The following TTLL7 variants were observed in gnomAD, a reference collection of about 807,000 sequenced individuals.
TTLL7 encodes tubulin tyrosine ligase like 7.
Under a neutral mutation model 120.2 loss-of-function variants are expected in TTLL7, and 53 were observed. The observed-to-expected ratio is 0.44, with a 90% CI of 0.35 to 0.55. The LOEUF (loss-of-function observed/expected upper bound fraction) is 0.55. Ranked by LOEUF, TTLL7 falls within the 20% of genes least tolerant of loss-of-function variation. The probability of loss-of-function intolerance (pLI) is 0.00; values close to 1 mark genes in which losing one functional copy is unlikely to be tolerated. For missense variants in TTLL7, 803 were observed against 1,054.7 expected, an observed-to-expected ratio of 0.76 and a Z score of 3.31; for synonymous variants, 353 against 351.7, an observed-to-expected ratio of 1.00 and a Z score of -0.04.
At chr1:83,954,055 A>G (rs1371858818) in intron 1 of TTLL7, among the ~76,000 whole-genome samples, 1 of 152,224 alleles carries the variant, frequency 6.6e-6, no homozygotes. Flanking sequence ...AACCTCAGGG[A>G]AGTAACTATT....
Position 83,917,626 on chromosome 1 carries a change from G to A in TTLL7, c.1565C>T (p.Thr522Ile), listed in dbSNP as rs771851636. 3.1e-5 allele frequency: 50 copies of A among 1,612,928 alleles called. No homozygotes were observed. In the Admixed American group the frequency reaches 8.3e-4, roughly 27 times the overall value. Residue 522 changes from threonine (T) to isoleucine (I), a missense_variant, in exon 14 of 21, where the codon ACT (threonine) becomes ATT (isoleucine). Thr to Ile is a moderately conservative substitution (Grantham distance 89). Coordinates refer to ENST00000260505, the MANE Select transcript of TTLL7 (RefSeq NM_024686.6). ...CACCTTTGGTCCTCGAGTCTTGGTA[G>A]TTTTTCCCATCAACTTTTCATCATC... ...EIDDEKLMGK[T>I]TKTRGPKPLC...
intron 20 of TTLL7, among the ~76,000 whole-genome samples, chr1:83,873,571 G>C (rs1024746946): frequency 1.3e-5 from 2 of 152,100 alleles, no homozygotes; most frequent in Non-Finnish European, 2.9e-5. Flanking sequence ...CTCGTGCCAA[G>C]GAGAAATACC....
intron 1 of TTLL7, among the ~76,000 whole-genome samples, chr1:83,969,425 C>T (rs865963416): frequency 4.8e-4 from 73 of 152,020 alleles, no homozygotes; most frequent in African/African-American, 1.7e-3. Context: ...AACTCACTGA[C>T]TTTAATATTA....
At chr1:83,929,025 T>G in intron 10 of TTLL7, 111 bp downstream of exon 10, 1 of 454,270 alleles carries the variant, frequency 2.2e-6, no homozygotes, top group East Asian at 3.7e-5. Context: ...AAATGAAAAT[T>G]ATAAAATATA....
intron 18 of TTLL7, among the ~76,000 whole-genome samples, chr1:83,895,229 A>G (rs762213092): frequency 4.6e-5 from 7 of 152,068 alleles, no homozygotes; most frequent in Non-Finnish European, 7.4e-5. Flanking sequence ...TCTTGATAAT[A>G]AAGTTACCAG....
At chr1:83,972,403 C>G (rs779711484) in intron 1 of TTLL7, among the ~76,000 whole-genome samples, 53 of 152,028 alleles carry the variant, frequency 3.5e-4, no homozygotes, top group Non-Finnish European at 6.2e-4. Context: ...CAGTAATATG[C>G]ATTTAAGGTT....
chr1:83,928,186 A>C (rs996707008), intron 10 of TTLL7, among the ~76,000 whole-genome samples: 12 of 152,192 alleles, frequency 7.9e-5, no homozygotes, highest in Admixed American at 1.3e-4. Context: ...GGCTTATTTA[A>C]ATAATAATAG....
intron 18 of TTLL7, among the ~76,000 whole-genome samples, chr1:83,895,859 T>G (rs752136912): frequency 2.6e-5 from 4 of 152,068 alleles, no homozygotes; most frequent in Non-Finnish European, 5.9e-5. Context: ...TCAAATGGTA[T>G]TTGGGAGGAG....
At position 83,868,569 on chromosome 1, in the gene TTLL7, A is replaced by C. The variant is rs1450905793; in HGVS notation, c.*1393T>G. 6.6e-6 allele frequency: 1 copy of C among 152,224 alleles called. No homozygotes were observed. The allele number at this position is 152,224 out of a possible 1,614,324, so 9.4% of individuals were successfully genotyped here. ...ATGTGATAATTGAAATCTTCTATTC[A>C]CAATCCTTTAACTGTTTCTGTGGTG... On this transcript the variant is annotated 3_prime_UTR_variant, in exon 21 of 21. Transcript: ENST00000260505.
At chr1:83,934,120 A>C (rs1418197128) in intron 8 of TTLL7, among the ~76,000 whole-genome samples, 1 of 152,168 alleles carries the variant, frequency 6.6e-6, no homozygotes, top group Non-Finnish European at 1.5e-5. Flanking sequence ...TTCTTACTGC[A>C]CCACTACACA....
intron 10 of TTLL7, among the ~76,000 whole-genome samples, chr1:83,928,688 G>C (rs78574912): frequency 6.6e-6 from 1 of 151,876 alleles, no homozygotes; most frequent in African/African-American, 2.4e-5. Context: ...ATCCATGTTT[G>C]AGTTTTTTTT....
At position 83,882,988 on chromosome 1, in the gene TTLL7, T is replaced by C. The variant is rs746671938; in HGVS notation, c.2518A>G (p.Ile840Val). 5 of 1,612,282 alleles carry C rather than the reference T, an allele frequency of 3.1e-6. No homozygotes were observed. The highest frequency in any genetic ancestry group is 4.2e-6 in the Non-Finnish European group (5 of 1,179,030). The change falls in exon 20 of 21, where the codon ATT becomes GTT. Residue 840 changes from isoleucine to valine, a missense_variant. This residue lies in a region of TTLL7 where 388 missense variants were observed against 450.4 expected (regional missense o/e 0.86). Coordinates refer to ENST00000260505, the MANE Select transcript of TTLL7 (RefSeq NM_024686.6). The stretch of plus-strand genomic sequence containing the variant: ...CTGGAATTACCCCAGTCAGGACCAA[T>C]GCCTGAAAGTGATCCTCTTTTGTCA... Reference protein sequence around the residue: ...ATDKRGSLSGIGPDWGNSRYL... With the variant: ...ATDKRGSLSGVGPDWGNSRYL...
intron 17 of TTLL7, among the ~76,000 whole-genome samples, chr1:83,905,128 T>G (rs969418666): frequency 3.3e-5 from 5 of 151,956 alleles, no homozygotes; most frequent in African/African-American, 1.2e-4. Context: ...TGGCTATATA[T>G]AGAAAATTTT....
At chr1:83,959,878 G>A (rs1649864743) in intron 1 of TTLL7, among the ~76,000 whole-genome samples, 1 of 151,816 alleles carries the variant, frequency 6.6e-6, no homozygotes, top group Admixed American at 6.6e-5. Context: ...AATACATACA[G>A]TATATTATTT....
At chr1:83,944,989 T>A (rs1365593502) in intron 6 of TTLL7, among the ~76,000 whole-genome samples, 2 of 152,140 alleles carry the variant, frequency 1.3e-5, no homozygotes, top group African/African-American at 4.8e-5. Flanking sequence ...AATCATTTTT[T>A]AAAACTCAAC....
intron 13 of TTLL7, among the ~76,000 whole-genome samples, chr1:83,918,920 T>C (rs1336866934): frequency 6.6e-6 from 1 of 152,068 alleles, no homozygotes; most frequent in Non-Finnish European, 1.5e-5. Context: ...AAAAAGAATC[T>C]TCTTGAAATG....
chr1:83,966,435 C>T (rs543370328), intron 1 of TTLL7, among the ~76,000 whole-genome samples: 13 of 152,088 alleles, frequency 8.5e-5, no homozygotes, highest in African/African-American at 1.2e-4. Context: ...TGAATAACCC[C>T]GACTAATACA....
At chr1:83,919,577 G>T in intron 13 of TTLL7, 122 bp downstream of exon 13, 1 of 883,316 alleles carries the variant, frequency 1.1e-6, no homozygotes, top group Non-Finnish European at 1.6e-6. Flanking sequence ...AAAATAGAAA[G>T]CTTGGGGAAA....
At chr1:83,986,117 C>T (rs1231248364) in intron 1 of TTLL7, among the ~76,000 whole-genome samples, 1 of 152,152 alleles carries the variant, frequency 6.6e-6, no homozygotes. Context: ...AAAGAAACTA[C>T]AGACCAATAT....
Sources: gnomAD v4.1 joint callset for allele counts (sites outside exome capture counted in the v4.1 genomes callset) on GRCh38, gnomAD v4.1.1 for gene constraint, gnomAD v4.1.1 regional missense constraint, MANE v1.5 for transcripts, NCBI Gene and HGNC (gene_info 2026-07-23, HGNC 2026-07-21) for gene names.